ASB15: variants seen among roughly 807,000 people sequenced by gnomAD.
ASB15 encodes ankyrin repeat and SOCS box protein 15.
In ASB15, 54 loss-of-function variants were observed where a neutral mutation model predicts 58.0. The observed-to-expected ratio is 0.93, with a 90% CI of 0.75 to 1.17. The LOEUF (loss-of-function observed/expected upper bound fraction) is 1.17, where lower values mean the gene tolerates loss of function less well. Ranked by LOEUF, ASB15 falls within the 50% of genes most tolerant of loss-of-function variation. The pLI is 0.00. For synonymous variants in ASB15, 249 were observed against 262.4 expected (o/e 0.95, Z 0.50); for missense variants, 680 against 707.4 (o/e 0.96, Z 0.44).
intron 11 of ASB15, among the ~76,000 whole-genome samples, chr7:123,635,187 T>C (rs528639760): frequency 1.3e-5 from 2 of 152,308 alleles, no homozygotes; most frequent in African/African-American, 4.8e-5. Flanking sequence ...TTCAGAATAG[T>C]AGTTATTTAT....
Position 123,614,520 on chromosome 7 carries a change from C to A in ASB15, c.18C>A (p.Asp6Glu). The change falls in exon 4 of 12, where the codon GAC becomes GAA. Residue 6 changes from aspartate (D) to glutamate (E), a missense_variant. By Grantham distance (45) the Asp-to-Glu change is conservative. Transcript: ENST00000451215. ...ATGCAGGAATGGATACTAATGATGA[C>A]CCTGATGAAGACCATCTTACAAGTT... MDTNDDPDEDHLTSYD... is the reference protein window; with the variant it reads MDTNDEPDEDHLTSYD... 5 of 1,604,258 alleles carry A rather than the reference C, an allele frequency of 3.1e-6. No individual in the cohort carries two copies. The highest frequency in any genetic ancestry group is 4.5e-5 in the East Asian group (2 of 44,748).
chr7:123,572,254 G>A (rs1798931319), intron 1 of ASB15, among the ~76,000 whole-genome samples: 1 of 136,046 alleles, frequency 7.4e-6, no homozygotes, highest in Non-Finnish European at 1.5e-5. Flanking sequence ...CGATTCTCTT[G>A]CCTCAGCCTC....
At position 123,630,109 on chromosome 7, in the gene ASB15, C is replaced by A. The variant is rs1287226303; in HGVS notation, c.1584C>A (p.Arg528=). The A allele has an allele frequency of 1.3e-6, 2 of 1,583,848 alleles. No homozygotes were observed. The highest frequency in any genetic ancestry group is 2.2e-5 in the East Asian group (1 of 44,464). ...TACAGAGAGAATGGCCAGAAATCCG[C>A]CAAATACTAGGTAAAAACCAAAAGT... ...LEVQREWPEI[R]QILENPCSLK... is the part of the protein sequence containing the mutation. Residue 528 remains arginine (R), a synonymous_variant, in exon 11 of 12, where the codon CGC becomes CGA. Transcript: ENST00000451215.
In ASB15 at chr7:123,629,341, G is replaced by C. The variant is rs372451951; in HGVS notation, c.1347G>C (p.Met449Ile). The C allele has an allele frequency of 6.2e-7, 1 of 1,614,072 alleles. No homozygotes were observed. Among genetic ancestry groups the C allele is most frequent in the Non-Finnish European group, 8.5e-7 (1 of 1,179,958 alleles). Reference sequence around the variant, plus strand: ...AAGTGGAGATGTGCTTTGACTGCATGCATGGTGACATCTTTGGAAATTCAT... The same window carrying C: ...AAGTGGAGATGTGCTTTGACTGCATCCATGGTGACATCTTTGGAAATTCAT... ...GYQVEMCFDC[M>I]HGDIFGNSFV... Residue 449 changes from methionine to isoleucine, a missense_variant, in exon 10 of 12, where the codon ATG becomes ATC. Met to Ile is a conservative substitution (Grantham distance 10, BLOSUM62 1). Transcript: ENST00000451215.
intron 11 of ASB15, among the ~76,000 whole-genome samples, chr7:123,631,823 A>T (rs1202509230): frequency 6.6e-6 from 1 of 152,196 alleles, no homozygotes; most frequent in Admixed American, 6.5e-5. Flanking sequence ...TCACACCTGT[A>T]ATCTCAGCAC....
intron 1 of ASB15, among the ~76,000 whole-genome samples, chr7:123,584,019 T>A (rs1051854663): frequency 6.6e-6 from 1 of 151,954 alleles, no homozygotes; most frequent in Admixed American, 6.6e-5. Flanking sequence ...CCGGAGTTCA[T>A]CCCTTAAACA....
Position 123,629,994 on chromosome 7 carries a change from T to A in ASB15, c.1469T>A (p.Met490Lys), listed in dbSNP as rs1379325745. ...TGTGAGTTTATTACAGTTCCTTGGA[T>A]GAAGCACTTGGTAGGCAGAGTTACT... ...PFCEFITVPW[M>K]KHLVGRVTRV... Residue 490 changes from methionine to lysine, a missense_variant, in exon 11 of 12, where the codon ATG becomes AAG. Met to Lys is a moderately conservative substitution (Grantham distance 95, BLOSUM62 -1). Coordinates refer to ENST00000451215, the MANE Select transcript of ASB15 (RefSeq NM_001290258.2). 2 of 1,597,620 alleles carry A rather than the reference T, an allele frequency of 1.3e-6. No individual in the cohort carries two copies. The highest frequency in any genetic ancestry group is 2.7e-5 in the African/African-American group (2 of 74,562).
intron 1 of ASB15, among the ~76,000 whole-genome samples, chr7:123,570,586 T>C (rs1257169009): frequency 2.6e-5 from 4 of 152,230 alleles, no homozygotes; most frequent in Admixed American, 2.6e-4. Context: ...CTAGCAGGCA[T>C]GCCTGCTTAC....
chr7:123,567,863 G>A (rs1220971371), intron 1 of ASB15, among the ~76,000 whole-genome samples: 3 of 151,896 alleles, frequency 2.0e-5, no homozygotes, highest in South Asian at 4.2e-4. Flanking sequence ...TAAAATAGAC[G>A]AAAATATTCA....
chr7:123,627,570 CCTTT>C (rs1484714093), intron 9 of ASB15, among the ~76,000 whole-genome samples: 1 of 152,170 alleles, frequency 6.6e-6, no homozygotes, highest in Non-Finnish European at 1.5e-5. Flanking sequence ...CTCAAGAGTG[CCTTT>C]CTGTTTACAA....
chr7:123,638,950 G>C lies in ASB15; in HGVS notation c.*1969G>C, dbSNP rs1389424680. On this transcript the variant is annotated 3_prime_UTR_variant, in exon 12 of 12. Coordinates refer to ENST00000451215, the MANE Select transcript of ASB15 (RefSeq NM_001290258.2). ...TTCTCAGGGCCAAACACATTCCCTA[G>C]AGCATGGAGTTCAATAATTGTTTGT... 2 of 152,136 alleles carry C rather than the reference G, an allele frequency of 1.3e-5. No individual in the cohort carries two copies. The highest frequency in any genetic ancestry group is 2.4e-5 in the African/African-American group (1 of 41,418). 9.4% of individuals were successfully genotyped at this position (152,136 alleles called of 1,614,324 possible). A position where few individuals can be genotyped will look rare whatever the true frequency, so the allele number is the denominator to read the frequency against.
At chr7:123,576,172 T>A (rs911659660) in intron 1 of ASB15, among the ~76,000 whole-genome samples, 1 of 151,718 alleles carries the variant, frequency 6.6e-6, no homozygotes, top group African/African-American at 2.4e-5. Flanking sequence ...CTATATTTTT[T>A]ATGGTCCTGT....
chr7:123,598,651 A>C (rs1358981131), upstream of ASB15: 1 of 152,224 alleles, frequency 6.6e-6, no homozygotes, highest in Non-Finnish European at 1.5e-5. Context: ...CACATATTTG[A>C]TGAGTGCCAA....
At chr7:123,605,805 G>A (rs548812032) in intron 2 of ASB15, among the ~76,000 whole-genome samples, 5 of 152,132 alleles carry the variant, frequency 3.3e-5, no homozygotes, top group African/African-American at 9.6e-5. Flanking sequence ...GAGTACATAC[G>A]GACACAAAGA....
At chr7:123,585,899 T>C (rs1204271001) in intron 1 of ASB15, among the ~76,000 whole-genome samples, 1 of 151,812 alleles carries the variant, frequency 6.6e-6, no homozygotes, top group Admixed American at 6.6e-5. Context: ...TTGTCACGAA[T>C]ACCAGAATTT....
chr7:123,596,184 G>C (rs1799687120), intron 1 of ASB15, among the ~76,000 whole-genome samples: 1 of 152,086 alleles, frequency 6.6e-6, no homozygotes, highest in East Asian at 1.9e-4. Flanking sequence ...AAAAAATTGG[G>C]GGGAGGCAAA....
At chr7:123,571,837 T>A (rs990151324) in intron 1 of ASB15, among the ~76,000 whole-genome samples, 1 of 152,186 alleles carries the variant, frequency 6.6e-6, no homozygotes, top group Non-Finnish European at 1.5e-5. Context: ...TGATCATGAC[T>A]CACTGTAGCC....
chr7:123,636,768 A>G (rs762329568), intron 11 of ASB15, 41 bp from the exon 12 acceptor site: 2 of 1,531,952 alleles, frequency 1.3e-6, no homozygotes, highest in Admixed American at 1.8e-5. Context: ...CCAATCCACT[A>G]TTTAAAAAAT....
intron 1 of ASB15, among the ~76,000 whole-genome samples, chr7:123,583,851 T>TA (rs1799303339): frequency 6.6e-6 from 1 of 151,826 alleles, no homozygotes; most frequent in African/African-American, 2.4e-5. Context: ...GATTCCACAA[T>TA]AAAAAACCAA....
Sources: allele counts gnomAD v4.1 joint callset (sites outside exome capture counted in the v4.1 genomes callset), GRCh38; gene constraint gnomAD v4.1.1; transcripts MANE v1.5; gene names NCBI Gene and HGNC (gene_info 2026-07-23, HGNC 2026-07-21).